The following KAZN variants were observed in gnomAD, a reference collection of about 807,000 sequenced individuals.
KAZN encodes kazrin, periplakin interacting protein, also known as kazrin.
Under a neutral mutation model 87.4 loss-of-function variants are expected in KAZN, and 40 were observed. The ratio of observed to expected loss-of-function variants is 0.46; its 90% CI spans 0.36 to 0.60. The LOEUF (loss-of-function observed/expected upper bound fraction) is 0.60, where lower values mean the gene tolerates loss of function less well. Ranked by LOEUF, KAZN falls within the 20% of genes least tolerant of loss-of-function variation. The pLI, the probability that KAZN is intolerant of heterozygous loss-of-function variation, is 0.00. For missense variants in KAZN, 898 were observed against 1,073.9 expected (o/e 0.84, Z 2.29); for synonymous variants, 466 against 458.3 (o/e 1.02, Z -0.22).
chr1:14,890,803 A>G (rs942167047), intron 1 of KAZN, among the ~76,000 whole-genome samples: 3 of 149,252 alleles, frequency 2.0e-5, no homozygotes, highest in African/African-American at 7.5e-5. Context: ...TGCTGGGATT[A>G]CAGGTATGAG....
intron 1 of KAZN, among the ~76,000 whole-genome samples, chr1:14,032,003 C>T (rs898095696): frequency 1.2e-4 from 18 of 152,140 alleles, no homozygotes; most frequent in South Asian, 2.1e-4. Flanking sequence ...TTGAATGTTA[C>T]GTCTGGATGG....
At chr1:14,701,144 A>C (rs2148804206) in intron 1 of KAZN, among the ~76,000 whole-genome samples, 1 of 152,290 alleles carries the variant, frequency 6.6e-6, no homozygotes, top group South Asian at 2.1e-4. Context: ...TGAGACAGGA[A>C]GTCGCTCTGT....
chr1:15,093,358 G>A (rs997441020), intron 8 of KAZN, among the ~76,000 whole-genome samples: 19 of 152,020 alleles, frequency 1.2e-4, no homozygotes, highest in African/African-American at 4.6e-4. Flanking sequence ...GATGAGACAG[G>A]TCTCAGTCAT....
intron 2 of KAZN, among the ~76,000 whole-genome samples, chr1:14,240,870 G>A (rs1024134739): frequency 2.0e-5 from 3 of 152,240 alleles, no homozygotes; most frequent in Admixed American, 2.0e-4. Context: ...ATGGGAGGGA[G>A]TTAGAGAGGT....
At chr1:14,302,771 T>A (rs1654641131) in intron 2 of KAZN, among the ~76,000 whole-genome samples, 1 of 152,186 alleles carries the variant, frequency 6.6e-6, no homozygotes, top group South Asian at 2.1e-4. Flanking sequence ...ATATAGGTCA[T>A]AAATCTATAG....
chr1:14,723,534 C>T (rs866621898), intron 1 of KAZN, among the ~76,000 whole-genome samples: 1 of 152,300 alleles, frequency 6.6e-6, no homozygotes, highest in African/African-American at 2.4e-5. Flanking sequence ...TCTATGGCCA[C>T]GATGGGGAAT....
intron 1 of KAZN, among the ~76,000 whole-genome samples, chr1:14,094,750 C>A (rs1166875474): frequency 6.6e-6 from 1 of 152,128 alleles, no homozygotes; most frequent in African/African-American, 2.4e-5. Flanking sequence ...GAGAGAGGTT[C>A]TTTCTACACA....
chr1:14,176,049 T>C (rs1014925872), intron 1 of KAZN, among the ~76,000 whole-genome samples: 1 of 152,222 alleles, frequency 6.6e-6, no homozygotes. Flanking sequence ...TCAGGTGGTA[T>C]TGTTTTTAAC....
intron 1 of KAZN, among the ~76,000 whole-genome samples, chr1:14,064,394 T>C (rs747938928): frequency 2.0e-5 from 3 of 152,164 alleles, no homozygotes; most frequent in Non-Finnish European, 2.9e-5. Flanking sequence ...GTGTCTACCT[T>C]AACCAGCAAA....
At chr1:15,090,223 C>A (rs1640468041) in intron 8 of KAZN, among the ~76,000 whole-genome samples, 1 of 152,214 alleles carries the variant, frequency 6.6e-6, no homozygotes, top group South Asian at 2.1e-4. Flanking sequence ...ATGACAGGGG[C>A]CGTGTCTTGG....
intron 1 of KAZN, among the ~76,000 whole-genome samples, chr1:14,017,509 A>G (rs1299254468): frequency 6.6e-6 from 1 of 152,188 alleles, no homozygotes; most frequent in East Asian, 1.9e-4. Flanking sequence ...TTGTTTTTAC[A>G]GGCTCAAGGG....
intron 2 of KAZN, among the ~76,000 whole-genome samples, chr1:14,444,543 C>A (rs774125612): frequency 6.6e-6 from 1 of 152,048 alleles, no homozygotes; most frequent in African/African-American, 2.4e-5. Context: ...AAACTCCTAA[C>A]CTCAGGTGAT....
intron 1 of KAZN, among the ~76,000 whole-genome samples, chr1:14,744,602 G>C (rs1200758551): frequency 6.6e-6 from 1 of 152,098 alleles, no homozygotes; most frequent in Non-Finnish European, 1.5e-5. Flanking sequence ...CAGGTATGGT[G>C]GCATGTGCCT....
intron 2 of KAZN, among the ~76,000 whole-genome samples, chr1:14,522,707 G>A (rs534958263): frequency 1.3e-5 from 2 of 152,242 alleles, no homozygotes; most frequent in South Asian, 4.1e-4. Context: ...TGCAATTACC[G>A]GGATACTTAA....
chr1:14,556,168 G>A (rs1455376690), intron 2 of KAZN, among the ~76,000 whole-genome samples: 1 of 150,296 alleles, frequency 6.7e-6, no homozygotes, highest in African/African-American at 2.5e-5. Flanking sequence ...GGAGGGCAGC[G>A]GTGTGATCTG....
intron 1 of KAZN, among the ~76,000 whole-genome samples, chr1:14,855,414 C>T (rs997721233): frequency 9.2e-5 from 14 of 152,146 alleles, no homozygotes; most frequent in African/African-American, 3.4e-4. Context: ...TGCCCAACAC[C>T]ACCCCACCAA....
At chr1:14,790,760 T>C (rs1645650496) in intron 1 of KAZN, among the ~76,000 whole-genome samples, 1 of 152,166 alleles carries the variant, frequency 6.6e-6, no homozygotes, top group Admixed American at 6.5e-5. Context: ...TGGTGCAATC[T>C]TGGCTCACTG....
intron 1 of KAZN, among the ~76,000 whole-genome samples, chr1:14,098,721 T>G (rs1219548991): frequency 1.3e-5 from 2 of 152,220 alleles, no homozygotes; most frequent in African/African-American, 4.8e-5. Flanking sequence ...CTGGAGACCA[T>G]GCCTTTAAGT....
chr1:14,069,881 A>G (rs1643171360), intron 1 of KAZN, among the ~76,000 whole-genome samples: 1 of 152,060 alleles, frequency 6.6e-6, no homozygotes, highest in Non-Finnish European at 1.5e-5. Context: ...TTAAGAAGAG[A>G]GGGAGGAGGC....
Sources: gnomAD v4.1 joint callset for allele counts (sites outside exome capture counted in the v4.1 genomes callset) on GRCh38, gnomAD v4.1.1 for gene constraint, MANE v1.5 for transcripts, NCBI Gene and HGNC (gene_info 2026-07-23, HGNC 2026-07-21) for gene names.